The following ST6GALNAC3 variants were observed in gnomAD, a reference collection of about 807,000 sequenced individuals.
The protein encoded by ST6GALNAC3 is alpha-N-acetylgalactosaminide alpha-2,6-sialyltransferase 3.
In ST6GALNAC3, 25 loss-of-function variants were observed where a neutral mutation model predicts 32.7. That is an observed-to-expected ratio of 0.76 (90% CI 0.56 to 1.07). The LOEUF is 1.07. Among genes scored for constraint, ST6GALNAC3 ranks in the 50% least tolerant of loss-of-function variants. The pLI is 0.00. For missense variants in ST6GALNAC3, 355 were observed against 382.4 expected (o/e 0.93, Z 0.60); for synonymous variants, 129 against 133.1 (o/e 0.97, Z 0.21).
chr1:76,262,435 G>A (rs4147008), intron 1 of ST6GALNAC3, among the ~76,000 whole-genome samples: 4,520 of 152,264 alleles, frequency 0.03, 455 homozygotes, highest in Admixed American at 0.19. Flanking sequence ...AATACTTAAG[G>A]GAGTGAAAGA....
chr1:76,501,736 A>G (rs1454331254), intron 3 of ST6GALNAC3, among the ~76,000 whole-genome samples: 1 of 152,218 alleles, frequency 6.6e-6, no homozygotes, highest in Non-Finnish European at 1.5e-5. Flanking sequence ...AGGAAGAGGA[A>G]GCGGTGTTTA....
At chr1:76,582,804 T>C (rs1440319990) in intron 3 of ST6GALNAC3, among the ~76,000 whole-genome samples, 3 of 152,158 alleles carry the variant, frequency 2.0e-5, no homozygotes, top group Non-Finnish European at 4.4e-5. Flanking sequence ...TTCAAGTGAA[T>C]TGTGTTTTCT....
intron 1 of ST6GALNAC3, among the ~76,000 whole-genome samples, chr1:76,282,239 T>A (rs1659538255): frequency 6.6e-6 from 1 of 151,880 alleles, no homozygotes; most frequent in Non-Finnish European, 1.5e-5. Context: ...GAATTTCAGG[T>A]GAGAGGGAAT....
chr1:76,470,819 G>C (rs1178166058), intron 3 of ST6GALNAC3, among the ~76,000 whole-genome samples: 2 of 152,096 alleles, frequency 1.3e-5, no homozygotes, highest in Non-Finnish European at 2.9e-5. Context: ...AAACTGGGTT[G>C]AGCACAGGGC....
Position 76,634,545 on chromosome 1 carries a change from T to TTA in ST6GALNAC3, c.*5742_*5743dup, listed in dbSNP as rs1428394093. On this transcript the variant is annotated 3_prime_UTR_variant, in exon 5 of 5. Coordinates refer to ENST00000328299, the MANE Select transcript of ST6GALNAC3 (RefSeq NM_152996.4). The stretch of plus-strand genomic sequence containing the variant: ...ACGTTTGTTGAGAGTTTTTATGGCA[T>TTA]TATAGTGCTTTATTTATAAGCATTG... 1 of 152,192 alleles carries TTA rather than the reference T, an allele frequency of 6.6e-6. No individual in the cohort carries two copies. The highest frequency in any genetic ancestry group is 2.4e-5 in the African/African-American group (1 of 41,446). The allele number at this position is 152,192 out of a possible 1,614,324, so 9.4% of individuals were successfully genotyped here. A position where few individuals can be genotyped will look rare whatever the true frequency, so the allele number is the denominator to read the frequency against.
intron 1 of ST6GALNAC3, among the ~76,000 whole-genome samples, chr1:76,284,346 A>G (rs935114218): frequency 6.6e-6 from 1 of 152,220 alleles, no homozygotes; most frequent in African/African-American, 2.4e-5. Context: ...AAGTTCTTCT[A>G]AAAGTAAGAA....
At chr1:76,410,022 T>C (rs1047142409) in intron 2 of ST6GALNAC3, among the ~76,000 whole-genome samples, 4 of 152,160 alleles carry the variant, frequency 2.6e-5, no homozygotes, top group African/African-American at 9.6e-5. Context: ...CTTGCTGGGA[T>C]TGTAGCAGCG....
chr1:76,434,133 C>G (rs1307566103), intron 3 of ST6GALNAC3, among the ~76,000 whole-genome samples: 4 of 152,188 alleles, frequency 2.6e-5, no homozygotes, highest in Middle Eastern at 6.8e-3. Context: ...AAATGCAGCC[C>G]CCCAGATTTT....
rs1232697018 is a variant in ST6GALNAC3 at position 76,361,986 on chromosome 1, A to AT, written c.213+47987_213+47988insT. On this transcript the variant is annotated intron_variant, in intron 2 of 4. Coordinates refer to ENST00000328299, the MANE Select transcript of ST6GALNAC3 (RefSeq NM_152996.4). ...GAGTGAGACTCTGTATCAAAAAAAAAAAAAAAAGAGAGAAAGAAAGATACC... is the reference window on the plus strand; with the variant it reads ...GAGTGAGACTCTGTATCAAAAAAAAATAAAAAAAGAGAGAAAGAAAGATACC... 1.0e-4 allele frequency among the ~76,000 whole-genome samples: 12 copies of AT among 118,072 alleles called. No homozygotes were observed. In the South Asian group the frequency reaches 1.3e-3, roughly 13 times the overall value. 77.5% of individuals were successfully genotyped at this position (118,072 alleles called of 152,430 possible). A position where few individuals can be genotyped will look rare whatever the true frequency, so the allele number is the denominator to read the frequency against.
At chr1:76,169,362 T>C (rs774504295) in intron 1 of ST6GALNAC3, among the ~76,000 whole-genome samples, 21 of 152,216 alleles carry the variant, frequency 1.4e-4, no homozygotes, top group Non-Finnish European at 2.6e-4. Context: ...CTGACCTTTC[T>C]CTCTAGCTAC....
At chr1:76,164,912 C>A (rs1652027104) in intron 1 of ST6GALNAC3, among the ~76,000 whole-genome samples, 1 of 152,180 alleles carries the variant, frequency 6.6e-6, no homozygotes, top group African/African-American at 2.4e-5. Flanking sequence ...AACTGCATTG[C>A]TGGAGAGAGG....
intron 1 of ST6GALNAC3, among the ~76,000 whole-genome samples, chr1:76,233,769 A>G (rs1656496734): frequency 6.6e-6 from 1 of 152,140 alleles, no homozygotes; most frequent in Non-Finnish European, 1.5e-5. Flanking sequence ...TACAAGTGCA[A>G]TTTTGTTACA....
intron 3 of ST6GALNAC3, among the ~76,000 whole-genome samples, chr1:76,502,085 A>G (rs1034542583): frequency 6.6e-6 from 1 of 152,162 alleles, no homozygotes; most frequent in Admixed American, 6.5e-5. Context: ...AGGAAAAAAA[A>G]TATCTTTCTC....
intron 1 of ST6GALNAC3, among the ~76,000 whole-genome samples, chr1:76,190,161 T>C (rs1653811906): frequency 6.6e-6 from 1 of 152,156 alleles, no homozygotes; most frequent in Non-Finnish European, 1.5e-5. Flanking sequence ...TAATTTATGG[T>C]AATTTGTCCT....
chr1:76,577,409 T>A, intron 3 of ST6GALNAC3: 1 of 758,910 alleles, frequency 1.3e-6, no homozygotes, highest in Non-Finnish European at 1.6e-6. Context: ...AAACGAGCCC[T>A]GATAGTATCT....
intron 1 of ST6GALNAC3, among the ~76,000 whole-genome samples, chr1:76,269,259 CT>C (rs1658706186): frequency 1.3e-5 from 2 of 152,130 alleles, no homozygotes; most frequent in African/African-American, 4.8e-5. Context: ...TCTTTCAATC[CT>C]TTTAGGGATT....
chr1:76,345,070 A>G (rs1352147848), intron 2 of ST6GALNAC3, among the ~76,000 whole-genome samples: 1 of 152,032 alleles, frequency 6.6e-6, no homozygotes, highest in Admixed American at 6.5e-5. Context: ...TAACCAATTC[A>G]TGTTGATCCC....
At chr1:76,294,030 A>G (rs1461744504) in intron 1 of ST6GALNAC3, among the ~76,000 whole-genome samples, 1 of 152,152 alleles carries the variant, frequency 6.6e-6, no homozygotes, top group Non-Finnish European at 1.5e-5. Context: ...TGCACTCACT[A>G]AGAAAGCACT....
At chr1:76,498,523 C>T (rs1237046735) in intron 3 of ST6GALNAC3, among the ~76,000 whole-genome samples, 1 of 152,130 alleles carries the variant, frequency 6.6e-6, no homozygotes, top group Admixed American at 6.6e-5. Context: ...AACCTCTAAA[C>T]TTGCTTGAAG....
Sources: allele counts gnomAD v4.1 joint callset (sites outside exome capture counted in the v4.1 genomes callset), GRCh38; gene constraint gnomAD v4.1.1; transcripts MANE v1.5; gene names NCBI Gene and HGNC (gene_info 2026-07-23, HGNC 2026-07-21).